CEMIP: variants seen among roughly 807,000 people sequenced by gnomAD.
CEMIP encodes cell migration inducing hyaluronidase 1.
A neutral mutation model predicts 156.9 loss-of-function variants in CEMIP; 105 were observed. That is an observed-to-expected ratio of 0.67 (90% confidence interval 0.57 to 0.79). The LOEUF (loss-of-function observed/expected upper bound fraction) is 0.79, where lower values mean the gene tolerates loss of function less well. CEMIP is among the 30% of genes least tolerant of loss of function. The probability of loss-of-function intolerance (pLI) is 0.00; values close to 1 mark genes in which losing one functional copy is unlikely to be tolerated. For synonymous variants in CEMIP, 676 were observed against 668.4 expected, an observed-to-expected ratio of 1.01 and a Z score of -0.17; for missense variants, 1,457 against 1,769.4, an observed-to-expected ratio of 0.82 and a Z score of 3.17.
At chr15:80,920,668 G>T (rs1156975231) in intron 15 of CEMIP, among the ~76,000 whole-genome samples, 1 of 152,160 alleles carries the variant, frequency 6.6e-6, no homozygotes, top group African/African-American at 2.4e-5. Flanking sequence ...AGAGACAGAG[G>T]GACGGGGTGA....
Position 80,879,708 on chromosome 15 carries a change from CT to C in CEMIP, c.242-7del, listed in dbSNP as rs1267734293. On this transcript the variant is annotated splice_region_variant and splice_polypyrimidine_tract_variant and intron_variant, in intron 4 of 29. Coordinates refer to ENST00000394685, the MANE Select transcript of CEMIP (RefSeq NM_001293298.2). ...TTATTAAACCTCCCCCCAATGCTAC[CT>C]CTTCAGGCAAGCTGGTCATTAAAGA... The C allele has an allele frequency of 1.2e-6, 2 of 1,614,168 alleles. No individual in the cohort carries two copies. Among genetic ancestry groups the C allele is most frequent in the African/African-American group, 2.7e-5 (2 of 75,042 alleles).
chr15:80,905,185 G>A lies in CEMIP; in HGVS notation c.1412-1478G>A, dbSNP rs916969180. ...ACATGTGAACACTGGCAGTGTCTGGGGGCTGAGGCCAGTGCTCCATTGCTC... is the reference window on the plus strand; with the variant it reads ...ACATGTGAACACTGGCAGTGTCTGGAGGCTGAGGCCAGTGCTCCATTGCTC... On this transcript the variant is annotated intron_variant, in intron 12 of 29. Transcript: ENST00000394685. Among the ~76,000 whole-genome samples, 25 of 152,186 alleles carry A rather than the reference G, an allele frequency of 1.6e-4. 1 individual carries two copies. The highest frequency in any genetic ancestry group is 1.3e-4 in the Admixed American group (2 of 15,272).
At chr15:80,785,065 CT>C (rs1895896032) in intron 1 of CEMIP, among the ~76,000 whole-genome samples, 1 of 152,208 alleles carries the variant, frequency 6.6e-6, no homozygotes, top group African/African-American at 2.4e-5. Flanking sequence ...TAAGTTTCCA[CT>C]TTTCCCTGTC....
At chr15:80,795,482 G>A (rs914529065) in intron 1 of CEMIP, among the ~76,000 whole-genome samples, 1 of 152,092 alleles carries the variant, frequency 6.6e-6, no homozygotes, top group African/African-American at 2.4e-5. Context: ...CATAGGGTAA[G>A]GGAGAGGGAG....
chr15:80,784,526 T>C (rs527940812), intron 1 of CEMIP, among the ~76,000 whole-genome samples: 2 of 152,286 alleles, frequency 1.3e-5, no homozygotes, highest in Admixed American at 6.5e-5. Flanking sequence ...CAGGCACATT[T>C]TTCTGTGGCT....
chr15:80,932,249 G>A lies in CEMIP; in HGVS notation c.2793+210G>A, dbSNP rs1276548185. ...CCCCACAGGTCAGGTCTGGGTAAATGCCCGCTTGCTCTCTCCCTGCTCAAA... is the reference window on the plus strand; with the variant it reads ...CCCCACAGGTCAGGTCTGGGTAAATACCCGCTTGCTCTCTCCCTGCTCAAA... On this transcript the variant is annotated intron_variant, in intron 22 of 29. Transcript: ENST00000394685. The surrounding 1 kb of genome is among the most constrained non-coding windows in gnomAD (Gnocchi z 4.5). Among the ~76,000 whole-genome samples the A allele has an allele frequency of 1.6e-4, 24 of 152,180 alleles. 1 individual carries two copies. The highest frequency in any genetic ancestry group is 1.6e-3 in the Admixed American group (24 of 15,274).
chr15:80,909,057 A>T, intron 13 of CEMIP, 40 bp from the exon 14 acceptor site: 1 of 1,595,290 alleles, frequency 6.3e-7, no homozygotes, highest in Non-Finnish European at 8.6e-7. Context: ...ATCACAAAGC[A>T]TCTCATGGGC....
At chr15:80,927,462 G>A (rs748759550) in intron 19 of CEMIP, among the ~76,000 whole-genome samples, 3 of 152,182 alleles carry the variant, frequency 2.0e-5, no homozygotes, top group African/African-American at 4.8e-5. Flanking sequence ...TGTCAATGCC[G>A]AAATTCTTTG....
intron 1 of CEMIP, among the ~76,000 whole-genome samples, chr15:80,840,582 C>T (rs1166734387): frequency 6.6e-6 from 1 of 152,206 alleles, no homozygotes; most frequent in Non-Finnish European, 1.5e-5. Flanking sequence ...GCTCCTACAG[C>T]ATTCCCTGAA....
At position 80,907,012 on chromosome 15, in the gene CEMIP, TC is replaced by T. The variant is rs71153559; in HGVS notation, c.1587+182del. On this transcript the variant is annotated intron_variant, in intron 13 of 29. Transcript: ENST00000394685. ...TATGTATTATCCATTAGTGTGCAGCTCCCCCCCCACCAATATTTGGGAATAA... is the reference window on the plus strand; with the variant it reads ...TATGTATTATCCATTAGTGTGCAGCTCCCCCCCACCAATATTTGGGAATAA... Among the ~76,000 whole-genome samples, 134,949 of 151,774 alleles carry T rather than the reference TC, an allele frequency of 0.89. 60,120 individuals carry two copies. Among genetic ancestry groups the T allele is most frequent in the East Asian group, 1 (5,149 of 5,152 alleles).
At chr15:80,812,295 CT>C (rs1358833205) in intron 1 of CEMIP, among the ~76,000 whole-genome samples, 1 of 152,166 alleles carries the variant, frequency 6.6e-6, no homozygotes, top group Admixed American at 6.5e-5. Context: ...CACTTAAATG[CT>C]TTCATCTTCA....
chr15:80,800,476 G>A (rs557201253), intron 1 of CEMIP, among the ~76,000 whole-genome samples: 1 of 152,236 alleles, frequency 6.6e-6, no homozygotes, highest in Admixed American at 6.5e-5. Flanking sequence ...CCCACAGCTG[G>A]GGTACTTAAT....
intron 1 of CEMIP, among the ~76,000 whole-genome samples, chr15:80,822,360 C>T (rs1260833388): frequency 6.6e-6 from 1 of 152,198 alleles, no homozygotes; most frequent in East Asian, 1.9e-4. Context: ...GTAATGACCT[C>T]ATGGTGTTTT....
At chr15:80,938,476 G>A (rs530508136) in intron 25 of CEMIP, among the ~76,000 whole-genome samples, 80 of 152,084 alleles carry the variant, frequency 5.3e-4, no homozygotes, top group Non-Finnish European at 8.4e-4. Flanking sequence ...ATGGTGGCGC[G>A]TGCCTGTAAT....
Position 80,805,136 on chromosome 15 carries a change from A to G in CEMIP, c.-176+25522A>G, listed in dbSNP as rs76105345. 4.9e-3 allele frequency among the ~76,000 whole-genome samples: 750 copies of G among 152,234 alleles called. 7 individuals carry two copies. The highest frequency in any genetic ancestry group is 0.017 in the African/African-American group (689 of 41,532). On this transcript the variant is annotated intron_variant, in intron 1 of 29. Transcript: ENST00000394685. The stretch of plus-strand genomic sequence containing the variant: ...GCAGGAGAGGCGGATTTATGCCTTA[A>G]CAGCCCCCAAAACAAGCTTTGTGCA...
chr15:80,831,691 A>C (rs1389641374), intron 1 of CEMIP, among the ~76,000 whole-genome samples: 1 of 152,152 alleles, frequency 6.6e-6, no homozygotes, highest in South Asian at 2.1e-4. Flanking sequence ...CCAGGTTCCA[A>C]CTGTATCTCC....
chr15:80,905,015 G>C (rs1899734180), intron 12 of CEMIP, among the ~76,000 whole-genome samples: 1 of 152,180 alleles, frequency 6.6e-6, no homozygotes, highest in Admixed American at 6.5e-5. Flanking sequence ...TCCCAGAAGA[G>C]TAAACATCCC....
At chr15:80,818,110 T>G (rs1474449696) in intron 1 of CEMIP, among the ~76,000 whole-genome samples, 1 of 152,164 alleles carries the variant, frequency 6.6e-6, no homozygotes, top group Non-Finnish European at 1.5e-5. Context: ...GAACAAACAA[T>G]CCCCAAATTT....
chr15:80,779,437 G>C lies in CEMIP; in HGVS notation c.-353G>C, dbSNP rs1013641103. 2.6e-5 allele frequency: 4 copies of C among 152,310 alleles called. No individual in the cohort carries two copies. The highest frequency in any genetic ancestry group is 9.6e-5 in the African/African-American group (4 of 41,468). The allele number at this position is 152,310 out of a possible 1,614,324, so 9.4% of individuals were successfully genotyped here. On this transcript the variant is annotated 5_prime_UTR_variant, in exon 1 of 30. Coordinates refer to ENST00000394685, the MANE Select transcript of CEMIP (RefSeq NM_001293298.2). ...AGAGCCTGGCGAGCGCAAGCGGCGC[G>C]GGGAGCCAGCGGGGCTGAGCGCGGC... is the stretch of plus-strand genomic sequence containing the variant.
Sources: gnomAD v4.1 joint callset for allele counts (sites outside exome capture counted in the v4.1 genomes callset) on GRCh38, gnomAD v4.1.1 for gene constraint, Gnocchi (gnomAD v3.1) non-coding constraint, MANE v1.5 for transcripts, NCBI Gene and HGNC (gene_info 2026-07-23, HGNC 2026-07-21) for gene names.